WDR70: variants seen among roughly 807,000 people sequenced by gnomAD.
WDR70 encodes the protein WD repeat domain 70.
WDR70 carries 53 observed loss-of-function variants against 88.6 expected under a neutral mutation model. The ratio of observed to expected loss-of-function variants is 0.60; its 90% CI spans 0.48 to 0.75. The LOEUF is 0.75. Among genes scored for constraint, WDR70 ranks in the 30% least tolerant of loss-of-function variants. WDR70 has a pLI of 0.00. For missense variants in WDR70, 610 were observed against 823.2 expected (o/e 0.74, Z 3.17); for synonymous variants, 280 against 270.0 (o/e 1.04, Z -0.36).
At chr5:37,682,786 T>A (rs1401844835) in intron 10 of WDR70, among the ~76,000 whole-genome samples, 1 of 151,972 alleles carries the variant, frequency 6.6e-6, no homozygotes, top group Non-Finnish European at 1.5e-5. Flanking sequence ...TCCAAGAGAG[T>A]GGTGGTTATG....
intron 3 of WDR70, among the ~76,000 whole-genome samples, chr5:37,385,876 T>C (rs1561832240): frequency 6.6e-6 from 1 of 152,018 alleles, no homozygotes; most frequent in Non-Finnish European, 1.5e-5. Flanking sequence ...CGATCTCGAC[T>C]CACTGCAAGC....
chr5:37,660,983 G>T (rs1312159052), intron 10 of WDR70, among the ~76,000 whole-genome samples: 1 of 152,186 alleles, frequency 6.6e-6, no homozygotes, highest in African/African-American at 2.4e-5. Context: ...ATGATTTAAA[G>T]TGTATAGTAG....
intron 15 of WDR70, chr5:37,723,267 GGGTTTGTCCAGTTCCACCACTGAGT>G (rs1201332681): frequency 3.7e-6 from 1 of 267,384 alleles, no homozygotes; most frequent in Non-Finnish European, 7.1e-6. Context: ...CAGGAGGCCT[GGGTTTGTCCAGTTCCACCACTGAGT>G]GGCAATGTGA....
At chr5:37,474,610 G>A (rs1265653690) in intron 7 of WDR70, among the ~76,000 whole-genome samples, 1 of 152,092 alleles carries the variant, frequency 6.6e-6, no homozygotes, top group African/African-American at 2.4e-5. Context: ...TGCAGGATGT[G>A]CAGGTTTGTT....
At chr5:37,661,997 T>C (rs1439400270) in intron 10 of WDR70, among the ~76,000 whole-genome samples, 2 of 152,218 alleles carry the variant, frequency 1.3e-5, no homozygotes, top group African/African-American at 2.4e-5. Flanking sequence ...TGGAAAAGGC[T>C]ATTATCTATT....
chr5:37,714,578 C>T (rs1747605232), intron 13 of WDR70, among the ~76,000 whole-genome samples: 1 of 152,206 alleles, frequency 6.6e-6, no homozygotes, highest in Non-Finnish European at 1.5e-5. Context: ...TATCTTGATA[C>T]ACCTACCATA....
intron 11 of WDR70, among the ~76,000 whole-genome samples, chr5:37,699,025 C>T (rs1018931375): frequency 1.1e-4 from 17 of 152,200 alleles, no homozygotes; most frequent in African/African-American, 3.9e-4. Context: ...CAATGGTTCT[C>T]ATCCCAGTAG....
In WDR70 at chr5:37,707,337, A is replaced by T. The variant is rs143693574; in HGVS notation, c.1416+4250A>T. Among the ~76,000 whole-genome samples the T allele has an allele frequency of 6.5e-3, 988 of 152,268 alleles. 16 individuals carry two copies. Among genetic ancestry groups the T allele is most frequent in the African/African-American group, 0.023 (959 of 41,536 alleles). On this transcript the variant is annotated intron_variant, in intron 13 of 17. Coordinates refer to ENST00000265107, the MANE Select transcript of WDR70 (RefSeq NM_018034.4). The stretch of plus-strand genomic sequence containing the variant: ...AATTTCAGAGATAGCAGGCATTCCC[A>T]TGGGTAAAGAGGGAAAAGGAGGAAA...
chr5:37,588,921 T>C (rs1474510443), intron 9 of WDR70, among the ~76,000 whole-genome samples: 1 of 151,904 alleles, frequency 6.6e-6, no homozygotes, highest in African/African-American at 2.4e-5. Flanking sequence ...CTGGCCACCA[T>C]GTTCGGCTAA....
chr5:37,716,863 T>G (rs1236516096), intron 13 of WDR70, among the ~76,000 whole-genome samples: 1 of 152,078 alleles, frequency 6.6e-6, no homozygotes, highest in Admixed American at 6.6e-5. Flanking sequence ...TCTTTTCACT[T>G]TTGCTAAGGG....
intron 5 of WDR70, among the ~76,000 whole-genome samples, chr5:37,432,960 A>G (rs1750357785): frequency 6.6e-6 from 1 of 152,142 alleles, no homozygotes; most frequent in Non-Finnish European, 1.5e-5. Flanking sequence ...CCTTATATAT[A>G]AGATTTGCGC....
chr5:37,398,290 G>A (rs1230522246), intron 5 of WDR70, among the ~76,000 whole-genome samples: 2 of 151,854 alleles, frequency 1.3e-5, no homozygotes, highest in Non-Finnish European at 2.9e-5. Flanking sequence ...AGGTTTCACC[G>A]TGTTAGCCAG....
intron 13 of WDR70, among the ~76,000 whole-genome samples, chr5:37,708,079 A>G (rs1330637773): frequency 6.8e-6 from 1 of 147,510 alleles, no homozygotes; most frequent in Non-Finnish European, 1.5e-5. Flanking sequence ...TGATTTCTAG[A>G]TAATATTTGA....
intron 12 of WDR70, among the ~76,000 whole-genome samples, chr5:37,702,680 C>CT (rs1178116399): frequency 1.3e-5 from 2 of 152,222 alleles, no homozygotes; most frequent in East Asian, 3.9e-4. Flanking sequence ...GTCTGACTGC[C>CT]TAAGTTTGAA....
chr5:37,427,737 A>C (rs1300102243), intron 5 of WDR70, among the ~76,000 whole-genome samples: 2 of 151,872 alleles, frequency 1.3e-5, no homozygotes, highest in African/African-American at 4.8e-5. Context: ...AAATACAAAA[A>C]ATAGCTGGGC....
chr5:37,557,959 T>TTTGAAAACTCTTCAAACG, intron 9 of WDR70, among the ~76,000 whole-genome samples: 1 of 146,506 alleles, frequency 6.8e-6, no homozygotes, highest in Admixed American at 6.8e-5. Context: ...AAAAGAGTAT[T>TTTGAAAACTCTTCAAACG]ATGTATATTT....
At chr5:37,681,047 A>G (rs1339164119) in intron 10 of WDR70, among the ~76,000 whole-genome samples, 1 of 152,156 alleles carries the variant, frequency 6.6e-6, no homozygotes, top group Non-Finnish European at 1.5e-5. Flanking sequence ...CATTTTCTTG[A>G]TACTGACTCT....
chr5:37,557,497 A>G (rs1417516164), intron 9 of WDR70, among the ~76,000 whole-genome samples: 3 of 152,226 alleles, frequency 2.0e-5, no homozygotes, highest in Non-Finnish European at 4.4e-5. Context: ...AGCACTTTGT[A>G]TTAACTCATA....
chr5:37,636,095 A>G (rs1485018998), intron 10 of WDR70, among the ~76,000 whole-genome samples: 1 of 152,194 alleles, frequency 6.6e-6, no homozygotes, highest in Non-Finnish European at 1.5e-5. Context: ...GTATGTCTTT[A>G]TTAGCCACAT....
Sources: allele counts gnomAD v4.1 joint callset (sites outside exome capture counted in the v4.1 genomes callset), GRCh38; gene constraint gnomAD v4.1.1; transcripts MANE v1.5; gene names NCBI Gene and HGNC (gene_info 2026-07-23, HGNC 2026-07-21).